The following FGF10 variants were observed in gnomAD, a reference collection of about 807,000 sequenced individuals.
FGF10 encodes fibroblast growth factor 10, also known as FGF-10.
Under a neutral mutation model 19.8 loss-of-function variants are expected in FGF10, and 2 were observed. The ratio of observed to expected loss-of-function variants is 0.10; its 90% CI spans 0.04 to 0.32. FGF10 has a LOEUF of 0.32. Ranked by LOEUF, FGF10 falls within the 10% of genes least tolerant of loss-of-function variation. The pLI is 1.00. For missense variants in FGF10, 191 were observed against 246.3 expected (o/e 0.78, Z 1.50); for synonymous variants, 112 against 94.0 (o/e 1.19, Z -1.10).
chr5:44,330,790 C>A (rs1312968325), intron 1 of FGF10, among the ~76,000 whole-genome samples: 1 of 152,132 alleles, frequency 6.6e-6, no homozygotes, highest in Non-Finnish European at 1.5e-5. Context: ...AAAGCCTCAT[C>A]TGTCTCTTAG....
At chr5:44,322,308 C>T (rs1249794297) in intron 1 of FGF10, among the ~76,000 whole-genome samples, 1 of 152,146 alleles carries the variant, frequency 6.6e-6, no homozygotes, top group Non-Finnish European at 1.5e-5. Context: ...AAAGGGTCTG[C>T]ATTAAAAGCC....
chr5:44,321,055 C>T (rs1740474294), intron 1 of FGF10, among the ~76,000 whole-genome samples: 4 of 152,234 alleles, frequency 2.6e-5, no homozygotes, highest in Middle Eastern at 3.4e-3. Context: ...AAGGACACCA[C>T]TTCATCAAAT....
intron 1 of FGF10, among the ~76,000 whole-genome samples, chr5:44,351,589 C>A (rs939594082): frequency 6.6e-6 from 1 of 151,654 alleles, no homozygotes; most frequent in Non-Finnish European, 1.5e-5. Flanking sequence ...GTAAACTTTT[C>A]CTCTGAAAAC....
chr5:44,386,367 TC>T (rs1345450951), intron 1 of FGF10, among the ~76,000 whole-genome samples: 2 of 152,108 alleles, frequency 1.3e-5, no homozygotes, highest in African/African-American at 4.8e-5. Context: ...AGGATAACAC[TC>T]TGAAACTTTA....
chr5:44,376,498 A>AAAAC (rs1741861214), intron 1 of FGF10, among the ~76,000 whole-genome samples: 2 of 109,726 alleles, frequency 1.8e-5, no homozygotes, highest in Non-Finnish European at 4.0e-5. Flanking sequence ...GCCAAAAAAA[A>AAAAC]AAAAAAAAAA....
intron 1 of FGF10, among the ~76,000 whole-genome samples, chr5:44,349,457 T>TATCAGAATATATATATATATCAGA (rs1554038169): frequency 5.7e-4 from 17 of 29,792 alleles, no homozygotes; most frequent in African/African-American, 2.2e-3. Context: ...TATATATATA[T>TATCAGAATATATATATATATCAGA]ATATATATAT....
chr5:44,357,742 C>T (rs973795602), intron 1 of FGF10, among the ~76,000 whole-genome samples: 1 of 151,432 alleles, frequency 6.6e-6, no homozygotes. Context: ...CAATTGGGGG[C>T]AAAATTCTCC....
intron 1 of FGF10, among the ~76,000 whole-genome samples, chr5:44,329,516 C>T (rs1740684857): frequency 6.6e-6 from 1 of 152,102 alleles, no homozygotes; most frequent in Non-Finnish European, 1.5e-5. Context: ...TTCTCATTGG[C>T]TGGCATAGAT....
At chr5:44,350,790 A>G (rs1388912692) in intron 1 of FGF10, among the ~76,000 whole-genome samples, 2 of 151,226 alleles carry the variant, frequency 1.3e-5, no homozygotes, top group Admixed American at 6.6e-5. Context: ...TTAAATTACT[A>G]TGGCTCATTC....
chr5:44,328,314 A>G (rs1397584185), intron 1 of FGF10, among the ~76,000 whole-genome samples: 1 of 152,222 alleles, frequency 6.6e-6, no homozygotes, highest in Non-Finnish European at 1.5e-5. Flanking sequence ...TGGCAAATTT[A>G]TTACAGACAT....
chr5:44,309,260 G>A (rs1003716788), intron 2 of FGF10, among the ~76,000 whole-genome samples: 3 of 151,978 alleles, frequency 2.0e-5, no homozygotes, highest in Non-Finnish European at 4.4e-5. Context: ...CCCTTCAGTA[G>A]AATCCAGAGA....
At chr5:44,388,240 A>G (rs1007600726) in intron 1 of FGF10, 118 bp downstream of exon 1, 5 of 944,712 alleles carry the variant, frequency 5.3e-6, no homozygotes, top group South Asian at 4.0e-5. Context: ...CCACTTAATC[A>G]TTTTACAGGG....
chr5:44,345,281 C>A (rs576836628), intron 1 of FGF10, among the ~76,000 whole-genome samples: 24 of 151,308 alleles, frequency 1.6e-4, no homozygotes, highest in African/African-American at 5.3e-4. Flanking sequence ...TTTGAAGATA[C>A]CTTGAGGAAA....
intron 1 of FGF10, among the ~76,000 whole-genome samples, chr5:44,355,031 T>C (rs1475307573): frequency 6.6e-6 from 1 of 151,696 alleles, no homozygotes; most frequent in East Asian, 2.0e-4. Flanking sequence ...AGTGACTTTA[T>C]TCTCTTCGCA....
At chr5:44,381,200 G>A (rs563045617) in intron 1 of FGF10, among the ~76,000 whole-genome samples, 1 of 152,090 alleles carries the variant, frequency 6.6e-6, no homozygotes. Context: ...TTACAGCAGA[G>A]CTTAAAAGAA....
intron 1 of FGF10, among the ~76,000 whole-genome samples, chr5:44,340,351 C>G (rs1284344738): frequency 6.6e-6 from 1 of 151,928 alleles, no homozygotes; most frequent in Non-Finnish European, 1.5e-5. Flanking sequence ...TGAAATCTAC[C>G]CTTGTATCCA....
chr5:44,350,557 TA>T (rs1429027530), intron 1 of FGF10, among the ~76,000 whole-genome samples: 2 of 151,098 alleles, frequency 1.3e-5, no homozygotes, highest in African/African-American at 4.8e-5. Context: ...TGTATAAACA[TA>T]TGTATGCATA....
chr5:44,340,342 G>A (rs1205688664), intron 1 of FGF10, among the ~76,000 whole-genome samples: 1 of 152,028 alleles, frequency 6.6e-6, no homozygotes, highest in African/African-American at 2.4e-5. Context: ...ATAAGCCTTT[G>A]AAATCTACCC....
rs574199918 is a variant in FGF10, at chr5:44,301,259, T to C, written c.*3736A>G. On this transcript the variant is annotated 3_prime_UTR_variant, in exon 3 of 3. Coordinates refer to ENST00000264664, the MANE Select transcript of FGF10 (RefSeq NM_004465.2). Reference sequence around the variant, plus strand: ...ACATCTTCTCTTAAATATTTTAAGCTACATATATAACTTTATTTAGACAAA... The same window carrying C: ...ACATCTTCTCTTAAATATTTTAAGCCACATATATAACTTTATTTAGACAAA... 2.6e-4 allele frequency among the ~76,000 whole-genome samples: 39 copies of C among 152,284 alleles called. No homozygotes were observed. Among genetic ancestry groups the C allele is most frequent in the African/African-American group, 8.4e-4 (35 of 41,562 alleles).
Sources: allele counts gnomAD v4.1 joint callset (sites outside exome capture counted in the v4.1 genomes callset), GRCh38; gene constraint gnomAD v4.1.1; transcripts MANE v1.5; gene names NCBI Gene and HGNC (gene_info 2026-07-23, HGNC 2026-07-21).